IPP: variants seen among roughly 807,000 people sequenced by gnomAD.
IPP encodes the protein intracisternal A particle-promoted polypeptide, also known as actin-binding protein IPP.
A neutral mutation model predicts 64.1 loss-of-function variants in IPP; 41 were observed. The observed-to-expected ratio is 0.64, with a 90% CI of 0.50 to 0.83. The LOEUF is 0.83. IPP is among the 40% of genes least tolerant of loss of function. The probability of loss-of-function intolerance (pLI) is 0.00; values close to 1 mark genes in which losing one functional copy is unlikely to be tolerated. For missense variants in IPP, 649 were observed against 703.0 expected (o/e 0.92, Z 0.87); for synonymous variants, 214 against 235.2 (o/e 0.91, Z 0.83).
At chr1:45,748,579 G>C (rs1646172212) in intron 1 of IPP, among the ~76,000 whole-genome samples, 1 of 152,180 alleles carries the variant, frequency 6.6e-6, no homozygotes, top group Non-Finnish European at 1.5e-5. Context: ...GGCTGAGGTG[G>C]GAGGACCACC....
At chr1:45,702,825 G>T (rs1285025711) in intron 8 of IPP, among the ~76,000 whole-genome samples, 1 of 152,122 alleles carries the variant, frequency 6.6e-6, no homozygotes, top group Non-Finnish European at 1.5e-5. Flanking sequence ...AGAAAAATTA[G>T]CAACAGAAAG....
intron 5 of IPP, among the ~76,000 whole-genome samples, chr1:45,720,462 T>C (rs1645717487): frequency 6.6e-6 from 1 of 152,174 alleles, no homozygotes; most frequent in African/African-American, 2.4e-5. Flanking sequence ...TTACCCCATA[T>C]TGACTTAAAG....
intron 8 of IPP, among the ~76,000 whole-genome samples, chr1:45,707,440 A>G (rs1033513499): frequency 6.6e-6 from 1 of 151,300 alleles, no homozygotes; most frequent in African/African-American, 2.4e-5. Context: ...AAAAAAAAAA[A>G]AAGACATGAC....
intron 1 of IPP, among the ~76,000 whole-genome samples, chr1:45,746,826 A>G (rs1003723992): frequency 6.6e-6 from 1 of 152,228 alleles, no homozygotes; most frequent in East Asian, 1.9e-4. Context: ...GACAACAGCA[A>G]CTTTCGAAAA....
chr1:45,694,848 G>A (rs1645373090), downstream of IPP: 1 of 181,860 alleles, frequency 5.5e-6, no homozygotes, highest in Non-Finnish European at 1.1e-5. Flanking sequence ...AAGTCAAGCT[G>A]GAGCCATCTT....
intron 8 of IPP, among the ~76,000 whole-genome samples, chr1:45,705,223 G>A (rs1033068678): frequency 6.6e-6 from 1 of 152,222 alleles, no homozygotes; most frequent in African/African-American, 2.4e-5. Context: ...CATCCAAGTA[G>A]CATTTAGTAC....
At chr1:45,743,482 G>T (rs904629591) in intron 2 of IPP, among the ~76,000 whole-genome samples, 1 of 152,030 alleles carries the variant, frequency 6.6e-6, no homozygotes, top group African/African-American at 2.4e-5. Flanking sequence ...GGGAGGCTGA[G>T]GTGGGAGGAT....
At chr1:45,728,180 C>T (rs1173873199) in intron 4 of IPP, among the ~76,000 whole-genome samples, 6 of 126,468 alleles carry the variant, frequency 4.7e-5, no homozygotes, top group Non-Finnish European at 8.5e-5. Context: ...GTGTTTGAGG[C>T]AGGGTTTCAC....
chr1:45,748,803 C>T (rs1431955051), intron 1 of IPP, among the ~76,000 whole-genome samples: 2 of 152,020 alleles, frequency 1.3e-5, no homozygotes, highest in Non-Finnish European at 2.9e-5. Context: ...GACCCCATCT[C>T]TACTAAAAAA....
At chr1:45,731,822 G>C (rs1300528136) in intron 3 of IPP, among the ~76,000 whole-genome samples, 2 of 151,846 alleles carry the variant, frequency 1.3e-5, no homozygotes, top group African/African-American at 4.8e-5. Context: ...TGTAATCTCA[G>C]CTACTCAGGA....
chr1:45,698,895 AT>A lies in IPP; in HGVS notation c.*1070del, dbSNP rs1265471282. 2.9e-6 allele frequency: 1 copy of A among 339,914 alleles called. No homozygotes were observed. Among genetic ancestry groups the A allele is most frequent in the Non-Finnish European group, 4.2e-6 (1 of 240,418 alleles). The allele number at this position is 339,914 out of a possible 1,614,324, so 21.1% of individuals were successfully genotyped here. On this transcript the variant is annotated 3_prime_UTR_variant, in exon 9 of 9. Coordinates refer to ENST00000396478, the MANE Select transcript of IPP (RefSeq NM_005897.3). ...CACAACGCCCGGCTAATTTTTATAT[AT>A]TTTTTGGTAGAGACGGAGTCTCATC...
intron 8 of IPP, among the ~76,000 whole-genome samples, chr1:45,714,020 C>A (rs1645625289): frequency 6.6e-6 from 1 of 151,568 alleles, no homozygotes; most frequent in South Asian, 2.1e-4. Context: ...CAAACTCAAT[C>A]AAAAACAAAT....
chr1:45,709,423 A>C lies in IPP; in HGVS notation c.1530+4823T>G, dbSNP rs1645560139. ...ACTCCAGCCTGGGCGACAGAGCAAG[A>C]CTCCGTCTCAAAAAAAAAAAAAAAA... On this transcript the variant is annotated intron_variant, in intron 8 of 8. Coordinates refer to ENST00000396478, the MANE Select transcript of IPP (RefSeq NM_005897.3). Among the ~76,000 whole-genome samples the C allele has an allele frequency of 2.4e-5, 2 of 83,740 alleles. 1 individual carries two copies. Among genetic ancestry groups the C allele is most frequent in the South Asian group, 7.5e-4 (2 of 2,666 alleles). 54.9% of individuals were successfully genotyped at this position (83,740 alleles called of 152,430 possible).
At position 45,741,044 on chromosome 1, in the gene IPP, A is replaced by G. The variant is rs747655576; in HGVS notation, c.581T>C (p.Ile194Thr). 2.5e-6 allele frequency: 4 copies of G among 1,614,106 alleles called. No individual in the cohort carries two copies. The highest frequency in any genetic ancestry group is 3.4e-6 in the Non-Finnish European group (4 of 1,179,984). ...IKILRSEELSIEDEYQVFLAA... is the reference protein window; with the variant it reads ...IKILRSEELSTEDEYQVFLAA... ...TAAGAAGACCTGGTATTCATCCTCA[A>G]TGCTAAGCTCTTCACTTCGCAAAAT... Residue 194 changes from isoleucine (I) to threonine (T), a missense_variant, in exon 3 of 9, where the codon ATT becomes ACT. Transcript: ENST00000396478.
At chr1:45,708,634 G>A (rs543474412) in intron 8 of IPP, among the ~76,000 whole-genome samples, 6 of 134,790 alleles carry the variant, frequency 4.5e-5, no homozygotes, top group East Asian at 2.2e-4. Flanking sequence ...AGCCAAAATC[G>A]CACCACTGCA....
downstream of IPP, among the ~76,000 whole-genome samples, chr1:45,696,295 G>A (rs1456257276): frequency 6.6e-6 from 1 of 152,142 alleles, no homozygotes; most frequent in Non-Finnish European, 1.5e-5. Context: ...ACATTTTGGA[G>A]GTAGATCACT....
At position 45,714,821 on chromosome 1, in the gene IPP, C is replaced by CTTAA. The variant is rs1460992088; in HGVS notation, c.1310-359_1310-356dup. Reference sequence around the variant, plus strand: ...TTTTTTTCCCTAAAAATGTCATGCACTTAAGCTGGGAATTACATGGCCCTC... The same window carrying CTTAA: ...TTTTTTTCCCTAAAAATGTCATGCACTTAATTAAGCTGGGAATTACATGGCCCTC... On this transcript the variant is annotated intron_variant, in intron 7 of 8. Coordinates refer to ENST00000396478, the MANE Select transcript of IPP (RefSeq NM_005897.3). Among the ~76,000 whole-genome samples, 3 of 152,104 alleles carry CTTAA rather than the reference C, an allele frequency of 2.0e-5. No individual in the cohort carries two copies. In the East Asian group the frequency reaches 5.8e-4, roughly 29 times the overall value.
rs1557749928 is a variant in IPP at position 45,724,875 on chromosome 1, C to CT, written c.1048+2755_1048+2756insA. On this transcript the variant is annotated intron_variant, in intron 5 of 8. Coordinates refer to ENST00000396478, the MANE Select transcript of IPP (RefSeq NM_005897.3). Reference sequence around the variant, plus strand: ...CGTCTCCGCCCGGCAGCCACCCCGTCGGGGAGGGAGGTGGGGGGGGTCAGC... The same window carrying CT: ...CGTCTCCGCCCGGCAGCCACCCCGTCTGGGGAGGGAGGTGGGGGGGGTCAGC... Among the ~76,000 whole-genome samples, 242 of 149,840 alleles carry CT rather than the reference C, an allele frequency of 1.6e-3. 2 individuals are homozygous for CT. Among genetic ancestry groups the CT allele is most frequent in the African/African-American group, 5.2e-3 (211 of 40,850 alleles).
At position 45,716,954 on chromosome 1, in the gene IPP, C is replaced by T. The variant is rs1278595552; in HGVS notation, c.1250G>A (p.Trp417Ter). Residue 417 changes from tryptophan to a stop codon, truncating the protein, a stop_gained, in exon 7 of 9, where the codon TGG becomes TAG. Transcript: ENST00000396478. LOFTEE classifies it high-confidence loss of function. The part of the protein sequence containing the change: ...IERFDPDENK[W>*]EVVGNMAVSR... The stretch of plus-strand genomic sequence containing the variant: ...CACAGCCATGTTACCAACTACTTCC[C>T]ATTTATTTTCATCAGGATCAAATCG... 5.0e-6 allele frequency: 8 copies of T among 1,612,782 alleles called. No homozygotes were observed. The highest frequency in any genetic ancestry group is 8.5e-7 in the Non-Finnish European group (1 of 1,179,010).
Sources: allele counts gnomAD v4.1 joint callset (sites outside exome capture counted in the v4.1 genomes callset), GRCh38; gene constraint gnomAD v4.1.1; transcripts MANE v1.5; gene names NCBI Gene and HGNC (gene_info 2026-07-23, HGNC 2026-07-21).